The following PGM3 variants were observed in gnomAD, a reference collection of about 807,000 sequenced individuals.
PGM3 encodes the protein phosphoacetylglucosamine mutase.
In PGM3, 40 loss-of-function variants were observed where a neutral mutation model predicts 66.2. The observed-to-expected ratio is 0.60, with a 90% CI of 0.47 to 0.79. PGM3 has a LOEUF of 0.79. Ranked by LOEUF, PGM3 falls within the 30% of genes least tolerant of loss-of-function variation. PGM3 has a pLI of 0.00. For synonymous variants in PGM3, 191 were observed against 224.2 expected (o/e 0.85, Z 1.32); for missense variants, 537 against 643.4 (o/e 0.83, Z 1.79).
chr6:83,176,474 T>C (rs1250475445), intron 8 of PGM3, among the ~76,000 whole-genome samples: 2 of 152,214 alleles, frequency 1.3e-5, no homozygotes, highest in African/African-American at 4.8e-5. Context: ...GCCATTACAG[T>C]GCAAAAGCAG....
Position 83,168,295 on chromosome 6 carries a change from A to C in PGM3, c.*939T>G. The stretch of plus-strand genomic sequence containing the variant: ...CACATTTCAGATTGTATTTAATTTA[A>C]ATATTTGTATATAAGAGCAAATGTC... On this transcript the variant is annotated 3_prime_UTR_variant, in exon 13 of 13. Coordinates refer to ENST00000513973, the MANE Select transcript of PGM3 (RefSeq NM_015599.3). 7.0e-7 allele frequency: 1 copy of C among 1,432,674 alleles called. No homozygotes were observed. Among genetic ancestry groups the C allele is most frequent in the Non-Finnish European group, 9.1e-7 (1 of 1,099,714 alleles). 88.7% of individuals were successfully genotyped at this position (1,432,674 alleles called of 1,614,324 possible). A position where few individuals can be genotyped will look rare whatever the true frequency, so the allele number is the denominator to read the frequency against.
intron 11 of PGM3, chr6:83,171,192 G>C (rs1289376448): frequency 6.6e-6 from 1 of 151,906 alleles, no homozygotes; most frequent in African/African-American, 2.4e-5. Flanking sequence ...ATATACAAAA[G>C]AGTATTGGGA....
chr6:83,179,084 G>T (rs575671577), intron 7 of PGM3, among the ~76,000 whole-genome samples: 20 of 152,262 alleles, frequency 1.3e-4, no homozygotes, highest in African/African-American at 3.6e-4. Context: ...GCCAAGGTGG[G>T]TGGATCACCT....
the PGM3 span, chr6:83,152,153 T>A: frequency 1.9e-6 from 2 of 1,070,314 alleles, no homozygotes; most frequent in Non-Finnish European, 2.7e-6. Context: ...AGTAACTTTT[T>A]TTCAGTGGGA....
Position 83,166,465 on chromosome 6 carries a change from A to C in PGM3, c.*2769T>G. The C allele has an allele frequency of 2.9e-6, 2 of 700,828 alleles. No homozygotes were observed. Among genetic ancestry groups the C allele is most frequent in the Non-Finnish European group, 5.2e-6 (2 of 384,370 alleles). The allele number at this position is 700,828 out of a possible 1,614,324, so 43.4% of individuals were successfully genotyped here. A position where few individuals can be genotyped will look rare whatever the true frequency, so the allele number is the denominator to read the frequency against. On this transcript the variant is annotated 3_prime_UTR_variant, in exon 13 of 13. Transcript: ENST00000513973. Reference sequence around the variant, plus strand: ...TGTGTGTTGTCTCTGCTGCTTTATAACCTATTTTGAACTCAGAAAATCGCT... The same window carrying C: ...TGTGTGTTGTCTCTGCTGCTTTATACCCTATTTTGAACTCAGAAAATCGCT...
rs758629473 is a variant in PGM3, at chr6:83,166,270, T to A, written c.*2964A>T. On this transcript the variant is annotated 3_prime_UTR_variant, in exon 13 of 13. Transcript: ENST00000513973. ...GAGTTCTTGGGCAGCTCTCTTATAG[T>A]TGTAAGAGGATCAGCTTCGATGATG... 1.4e-5 allele frequency: 8 copies of A among 570,120 alleles called. No individual in the cohort carries two copies. Among genetic ancestry groups the A allele is most frequent in the Non-Finnish European group, 2.2e-5 (7 of 321,012 alleles). The allele number at this position is 570,120 out of a possible 1,614,324, so 35.3% of individuals were successfully genotyped here.
At chr6:83,177,319 C>A (rs1787844690) in intron 8 of PGM3, among the ~76,000 whole-genome samples, 2 of 152,126 alleles carry the variant, frequency 1.3e-5, no homozygotes, top group African/African-American at 4.8e-5. Context: ...GGCAAACAGA[C>A]TTCCAGTTTT....
chr6:83,176,052 G>A lies in PGM3; in HGVS notation c.1038C>T (p.Val346=), dbSNP rs749028501. ...RYLEEVMKVP[V]YCTKTGVKHL... ...GTTTTACACCAGTCTTAGTGCAATA[G>A]ACAGGTACCTATAACACATGCATTT... The change falls in exon 9 of 13, where the codon GTC becomes GTT. Residue 346 remains valine, a synonymous_variant. Coordinates refer to ENST00000513973, the MANE Select transcript of PGM3 (RefSeq NM_015599.3). 3.2e-6 allele frequency: 5 copies of A among 1,571,618 alleles called. No homozygotes were observed. The African/African-American group carries it at 6.7e-5, about 21-fold the overall frequency.
the PGM3 span, among the ~76,000 whole-genome samples, chr6:83,150,801 A>T: frequency 1.3e-5 from 2 of 152,206 alleles, no homozygotes; most frequent in Non-Finnish European, 2.9e-5. Flanking sequence ...AAGATTTTTT[A>T]AACTTTTCTG....
At chr6:83,151,806 A>G in the PGM3 span, 5 of 1,479,248 alleles carry the variant, frequency 3.4e-6, no homozygotes, top group Non-Finnish European at 4.6e-6. Context: ...ATCTATTATC[A>G]GAAATATAAA....
intron 8 of PGM3, among the ~76,000 whole-genome samples, chr6:83,177,479 A>T (rs1389549182): frequency 6.6e-6 from 1 of 152,200 alleles, no homozygotes; most frequent in African/African-American, 2.4e-5. Flanking sequence ...CAGTTTTATT[A>T]CTGAATAAGT....
chr6:83,170,280 T>C, intron 12 of PGM3, 25 bp downstream of exon 12: 1 of 1,610,250 alleles, frequency 6.2e-7, no homozygotes, highest in Non-Finnish European at 8.5e-7. Context: ...TTAGGCTCTT[T>C]TTCAATAGAA....
intron 8 of PGM3, among the ~76,000 whole-genome samples, chr6:83,176,838 G>A (rs1787808407): frequency 6.6e-6 from 1 of 152,182 alleles, no homozygotes; most frequent in Non-Finnish European, 1.5e-5. Flanking sequence ...TATTTTATCT[G>A]TAATAAATTT....
At chr6:83,179,130 G>C (rs1337175102) in intron 7 of PGM3, among the ~76,000 whole-genome samples, 6 of 152,098 alleles carry the variant, frequency 3.9e-5, no homozygotes, top group Non-Finnish European at 8.8e-5. Context: ...GGCCAACATG[G>C]TGAAACCCCA....
chr6:83,162,936 T>G, downstream of PGM3: 2 of 1,606,318 alleles, frequency 1.2e-6, no homozygotes, highest in Middle Eastern at 1.7e-4. Flanking sequence ...CATTCTTTTG[T>G]GATTGTTTTG....
chr6:83,173,452 AT>A (rs1041814646), intron 10 of PGM3, among the ~76,000 whole-genome samples: 3 of 152,188 alleles, frequency 2.0e-5, no homozygotes, highest in African/African-American at 7.2e-5. Context: ...CCCCACAATG[AT>A]TGATAGAAAG....
downstream of PGM3, chr6:83,162,854 A>G (rs770047063): frequency 6.2e-7 from 1 of 1,613,702 alleles, no homozygotes; most frequent in Non-Finnish European, 8.5e-7. Context: ...AAGGCAGGGT[A>G]TACATCAACG....
chr6:83,151,243 G>A, the PGM3 span, among the ~76,000 whole-genome samples: 3 of 152,164 alleles, frequency 2.0e-5, no homozygotes, highest in African/African-American at 7.2e-5. Context: ...GCACACTGCA[G>A]CCTTGGCCTC....
In PGM3 at chr6:83,171,926, T is replaced by G. The variant is rs768579840; in HGVS notation, c.1365+11A>C. The G allele has an allele frequency of 1.2e-6, 2 of 1,606,372 alleles. No homozygotes were observed. The highest frequency in any genetic ancestry group is 3.4e-5 in the Admixed American group (2 of 59,054). ...ATATTCAAAAAAGTTACTTTAAAGT[T>G]TCTCTCACACCTGAACTTTAAGTTG... On this transcript the variant is annotated intron_variant, in intron 11 of 12. Coordinates refer to ENST00000513973, the MANE Select transcript of PGM3 (RefSeq NM_015599.3).
Sources: gnomAD v4.1 joint callset for allele counts (sites outside exome capture counted in the v4.1 genomes callset) on GRCh38, gnomAD v4.1.1 for gene constraint, MANE v1.5 for transcripts, NCBI Gene and HGNC (gene_info 2026-07-23, HGNC 2026-07-21) for gene names.